LMNTD1: variants seen among roughly 807,000 people sequenced by gnomAD.
LMNTD1 encodes lamin tail domain-containing protein 1.
In LMNTD1, 35 loss-of-function variants were observed where a neutral mutation model predicts 50.9. The ratio of observed to expected loss-of-function variants is 0.69; its 90% CI spans 0.53 to 0.91. The LOEUF is 0.91. Ranked by LOEUF, LMNTD1 falls within the 40% of genes least tolerant of loss-of-function variation. The probability of loss-of-function intolerance (pLI) is 0.00; values close to 1 mark genes in which losing one functional copy is unlikely to be tolerated. For synonymous variants in LMNTD1, 153 were observed against 161.9 expected (o/e 0.94, Z 0.42); for missense variants, 470 against 475.5 (o/e 0.99, Z 0.11).
At chr12:25,594,841 CTAACACA>C (rs1186530161) in intron 1 of LMNTD1, among the ~76,000 whole-genome samples, 2 of 151,942 alleles carry the variant, frequency 1.3e-5, no homozygotes, top group African/African-American at 4.8e-5. Flanking sequence ...AGAGACTCAC[CTAACACA>C]TAAGGATGCA....
At chr12:25,501,687 T>G (rs550584150) in intron 9 of LMNTD1, among the ~76,000 whole-genome samples, 8 of 152,244 alleles carry the variant, frequency 5.3e-5, no homozygotes, top group Non-Finnish European at 1.0e-4. Context: ...AAGGCTCAAG[T>G]GACATAATGT....
chr12:25,481,432 A>G (rs1443604068), intron 9 of LMNTD1, among the ~76,000 whole-genome samples: 1 of 151,968 alleles, frequency 6.6e-6, no homozygotes, highest in Non-Finnish European at 1.5e-5. Flanking sequence ...TCTATATTTA[A>G]GTTGTTTGCA....
chr12:25,616,970 G>A (rs1175373445), intron 1 of LMNTD1, among the ~76,000 whole-genome samples: 2 of 151,998 alleles, frequency 1.3e-5, no homozygotes, highest in Non-Finnish European at 2.9e-5. Flanking sequence ...ACACTAAAAA[G>A]GATGAAGTAT....
intron 1 of LMNTD1, among the ~76,000 whole-genome samples, chr12:25,580,324 C>T (rs1049891797): frequency 2.6e-5 from 4 of 152,116 alleles, no homozygotes; most frequent in African/African-American, 7.2e-5. Context: ...AAAACTGATA[C>T]GCAATCATTT....
At chr12:25,501,381 A>G (rs768562631) in intron 9 of LMNTD1, among the ~76,000 whole-genome samples, 3 of 152,176 alleles carry the variant, frequency 2.0e-5, no homozygotes, top group Non-Finnish European at 4.4e-5. Context: ...TCTTTCTTGC[A>G]GTTTGGAACA....
intron 1 of LMNTD1, among the ~76,000 whole-genome samples, chr12:25,619,681 T>C (rs551793815): frequency 1.3e-5 from 2 of 152,268 alleles, no homozygotes; most frequent in Admixed American, 6.5e-5. Context: ...CCAAAGCCAA[T>C]TCCCAGTGCT....
chr12:25,634,282 T>C (rs1212301415), intron 1 of LMNTD1, among the ~76,000 whole-genome samples: 2 of 152,156 alleles, frequency 1.3e-5, no homozygotes, highest in African/African-American at 2.4e-5. Flanking sequence ...ACCAATCCTA[T>C]TGACACTATT....
rs57326398 is a variant in LMNTD1, at chr12:25,623,553, CAAAAAAAAAAAAAAAA to C, written c.58+24925_58+24940del. Among the ~76,000 whole-genome samples the C allele has an allele frequency of 1.4e-4, 8 of 57,552 alleles. No individual in the cohort carries two copies. In the East Asian group the frequency reaches 4.7e-3, roughly 34 times the overall value. 37.8% of individuals were successfully genotyped at this position (57,552 alleles called of 152,430 possible). A position where few individuals can be genotyped will look rare whatever the true frequency, so the allele number is the denominator to read the frequency against. The stretch of plus-strand genomic sequence containing the variant: ...TGGGTGATAGAGCAAGACTCTGTCT[CAAAAAAAAAAAAAAAA>C]AAAAAAAAAAAAGGAGAGAAAGCAT... On this transcript the variant is annotated intron_variant, in intron 1 of 7. Transcript: ENST00000445693.
chr12:25,615,125 T>A (rs1946326300), intron 1 of LMNTD1, among the ~76,000 whole-genome samples: 1 of 152,108 alleles, frequency 6.6e-6, no homozygotes, highest in African/African-American at 2.4e-5. Context: ...CCAAACAAAA[T>A]GAGGCTCAGC....
chr12:25,548,235 G>T (rs1943550988), intron 3 of LMNTD1, among the ~76,000 whole-genome samples: 2 of 151,588 alleles, frequency 1.3e-5, no homozygotes, highest in South Asian at 2.1e-4. Flanking sequence ...CCATGTCAAA[G>T]ATTTTTTTAA....
At chr12:25,631,386 G>T (rs919164398) in intron 1 of LMNTD1, among the ~76,000 whole-genome samples, 2 of 152,150 alleles carry the variant, frequency 1.3e-5, no homozygotes, top group African/African-American at 4.8e-5. Flanking sequence ...CCCTCACGGA[G>T]TCCATTGCAC....
In LMNTD1 at chr12:25,524,221, C is replaced by T. The variant is rs1468845471; in HGVS notation, c.798+1878G>A. The stretch of plus-strand genomic sequence containing the variant: ...GCATTGTTTCACTGTATTGCAATTA[C>T]TTATTATTACATATCAGTTTCTACT... On this transcript the variant is annotated intron_variant, in intron 6 of 9. Coordinates refer to ENST00000458174, the MANE Select transcript of LMNTD1 (RefSeq NM_001145728.2). 2.0e-5 allele frequency among the ~76,000 whole-genome samples: 3 copies of T among 152,292 alleles called. No individual in the cohort carries two copies. The East Asian group carries it at 5.8e-4, about 29-fold the overall frequency.
chr12:25,571,479 T>G (rs986202189), intron 1 of LMNTD1, among the ~76,000 whole-genome samples: 14 of 151,880 alleles, frequency 9.2e-5, no homozygotes, highest in Non-Finnish European at 1.8e-4. Context: ...TTCTCCTGCC[T>G]TAGCCTCATG....
Position 25,519,946 on chromosome 12 carries a change from T to TA in LMNTD1, c.927dup (p.Thr310TyrfsTer6). The TA allele has an allele frequency of 6.2e-7, 1 of 1,613,142 alleles. No individual in the cohort carries two copies. ...TGTTTTTCTTTAGTTATTGTAGCTG[T>TA]AGATGCTGTCCACTGAAACACACGC... On this transcript the variant is annotated frameshift_variant, in exon 7 of 10. Transcript: ENST00000458174. LOFTEE classifies it high-confidence loss of function.
At chr12:25,554,608 T>C (rs1943954502), upstream of LMNTD1, among the ~76,000 whole-genome samples, 1 of 152,212 alleles carries the variant, frequency 6.6e-6, no homozygotes, top group South Asian at 2.1e-4. Context: ...TAAGAGGATG[T>C]TGATAGTAGT....
Position 25,519,586 on chromosome 12 carries a change from T to TAAAAAAAAAAAAAAAAAAAAAAAAAA in LMNTD1, c.1016+271_1016+272insTTTTTTTTTTTTTTTTTTTTTTTTTT, listed in dbSNP as rs781742784. ...CTGGGTGACAGAGCGAGACTCTGTC[T>TAAAAAAAAAAAAAAAAAAAAAAAAAA]CAAAAAAAAAAAAAAAAAAAAAGTG... On this transcript the variant is annotated intron_variant, in intron 7 of 9. Coordinates refer to ENST00000458174, the MANE Select transcript of LMNTD1 (RefSeq NM_001145728.2). Among the ~76,000 whole-genome samples the TAAAAAAAAAAAAAAAAAAAAAAAAAA allele has an allele frequency of 1.6e-4, 12 of 74,906 alleles. 2 individuals are homozygous for TAAAAAAAAAAAAAAAAAAAAAAAAAA. The highest frequency in any genetic ancestry group is 1.9e-4 in the Non-Finnish European group (8 of 43,056). The allele number at this position is 74,906 out of a possible 152,430, so 49.1% of individuals were successfully genotyped here.
In LMNTD1 at chr12:25,526,887, G is replaced by T; in HGVS notation, c.560C>A (p.Ser187Tyr). ...KGLFVKLINS[S>Y]LDKEMAIGDH... ...TCCAATTGCCATTTCTTTGTCAAGG[G>T]AAGAGTTAATGAGCTTCACGAACAA... is the stretch of plus-strand genomic sequence containing the variant. Residue 187 changes from serine (S) to tyrosine (Y), a missense_variant, in exon 5 of 10, where the codon TCC (serine) becomes TAC (tyrosine). Ser to Tyr is a moderately radical substitution (Grantham distance 144). Coordinates refer to ENST00000458174, the MANE Select transcript of LMNTD1 (RefSeq NM_001145728.2). 6.2e-7 allele frequency: 1 copy of T among 1,613,138 alleles called. No individual in the cohort carries two copies. Among genetic ancestry groups the T allele is most frequent in the Non-Finnish European group, 8.5e-7 (1 of 1,179,368 alleles).
In LMNTD1 at chr12:25,537,173, C is replaced by G. The variant is rs373018877; in HGVS notation, c.491+9201G>C. The stretch of plus-strand genomic sequence containing the variant: ...GGAGGGGCGCCCACCATTGCCCAGG[C>G]TTGCTTAGGTAAACAAAGCAGCCTG... On this transcript the variant is annotated intron_variant, in intron 4 of 9. Coordinates refer to ENST00000458174, the MANE Select transcript of LMNTD1 (RefSeq NM_001145728.2). Among the ~76,000 whole-genome samples, 49 of 152,320 alleles carry G rather than the reference C, an allele frequency of 3.2e-4. No individual in the cohort carries two copies. In the East Asian group the frequency reaches 6.9e-3, roughly 22 times the overall value.
intron 1 of LMNTD1, among the ~76,000 whole-genome samples, chr12:25,562,504 C>T (rs71443983): frequency 2.8e-4 from 43 of 152,272 alleles, no homozygotes; most frequent in Non-Finnish European, 4.9e-4. Flanking sequence ...CGGGGACATC[C>T]GCTGTTAGTC....
Sources: gnomAD v4.1 joint callset for allele counts (sites outside exome capture counted in the v4.1 genomes callset) on GRCh38, gnomAD v4.1.1 for gene constraint, MANE v1.5 for transcripts, NCBI Gene and HGNC (gene_info 2026-07-23, HGNC 2026-07-21) for gene names.